RPL28: variants seen among roughly 807,000 people sequenced by gnomAD.
RPL28 encodes the protein ribosomal protein L28.
A neutral mutation model predicts 12.5 loss-of-function variants in RPL28; 4 were observed. That is an observed-to-expected ratio of 0.32 (90% CI 0.16 to 0.73). RPL28 has a LOEUF of 0.73. Ranked by LOEUF, RPL28 falls within the 30% of genes least tolerant of loss-of-function variation. The pLI is 0.66. For missense variants in RPL28, 214 were observed against 197.7 expected (o/e 1.08, Z -0.49); for synonymous variants, 91 against 72.5 (o/e 1.26, Z -1.30).
rs2089963888 is a variant in RPL28 at position 55,389,016 on chromosome 19, TCTTGTCACTTAG to T, written c.*685_*696del. The T allele has an allele frequency of 1.0e-6, 1 of 985,398 alleles. No individual in the cohort carries two copies. Among genetic ancestry groups the T allele is most frequent in the African/African-American group, 1.7e-5 (1 of 57,220 alleles). 61.0% of individuals were successfully genotyped at this position (985,398 alleles called of 1,614,324 possible). A position where few individuals can be genotyped will look rare whatever the true frequency, so the allele number is the denominator to read the frequency against. ...CCCTCCCCTGTCTCTTTGAGCTGGCTCTTGTCACTTAGGTCTCATCTCAGTGGCCGCTCCTGG... is the reference window on the plus strand; with the variant it reads ...CCCTCCCCTGTCTCTTTGAGCTGGCTGTCTCATCTCAGTGGCCGCTCCTGG... On this transcript the variant is annotated 3_prime_UTR_variant, in exon 5 of 5. Coordinates refer to ENST00000344063, the MANE Select transcript of RPL28 (RefSeq NM_000991.5).
At chr19:55,397,857 C>T (rs1464518776) in intron 4 of RPL28, among the ~76,000 whole-genome samples, 2 of 151,946 alleles carry the variant, frequency 1.3e-5, no homozygotes, top group African/African-American at 4.8e-5. Flanking sequence ...CATAGTGATA[C>T]CGCATCTTCT....
chr19:55,386,858 C>A (rs1181489113), intron 3 of RPL28, 165 bp downstream of exon 3: 6 of 1,553,874 alleles, frequency 3.9e-6, no homozygotes, highest in Non-Finnish European at 5.2e-6. Context: ...GACTTGTCAG[C>A]TCTGTGAGCC....
At position 55,391,365 on chromosome 19, in the gene RPL28, C is replaced by A; in HGVS notation, c.*3033C>A. The A allele has an allele frequency of 1.7e-6, 2 of 1,205,038 alleles. No individual in the cohort carries two copies. Among genetic ancestry groups the A allele is most frequent in the Non-Finnish European group, 2.1e-6 (2 of 959,120 alleles). The allele number at this position is 1,205,038 out of a possible 1,614,324, so 74.6% of individuals were successfully genotyped here. A position where few individuals can be genotyped will look rare whatever the true frequency, so the allele number is the denominator to read the frequency against. ...AAAAGGCCATTTTGAGTGCCTTTCACAGCCCTGCATAAGGCAGGTGTCTCA... is the reference window on the plus strand; with the variant it reads ...AAAAGGCCATTTTGAGTGCCTTTCAAAGCCCTGCATAAGGCAGGTGTCTCA... On this transcript the variant is annotated 3_prime_UTR_variant, in exon 5 of 5. Transcript: ENST00000344063.
rs1353192535 is a variant in RPL28, at chr19:55,391,511, C to T, written c.*3179C>T. ...AGAGCGCTGGGGACTCCAGACTCCCCACAGCAGCAGAGACTCGGGACTGAG... is the reference window on the plus strand; with the variant it reads ...AGAGCGCTGGGGACTCCAGACTCCCTACAGCAGCAGAGACTCGGGACTGAG... On this transcript the variant is annotated 3_prime_UTR_variant, in exon 5 of 5. Transcript: ENST00000344063. 3 of 1,465,216 alleles carry T rather than the reference C, an allele frequency of 2.0e-6. No homozygotes were observed. Among genetic ancestry groups the T allele is most frequent in the South Asian group, 1.4e-5 (1 of 72,140 alleles). 90.8% of individuals were successfully genotyped at this position (1,465,216 alleles called of 1,614,324 possible).
At position 55,401,249 on chromosome 19, in the gene RPL28, C is replaced by T. The variant is rs976740441; in HGVS notation, c.325-1694C>T. Reference sequence around the variant, plus strand: ...ACTCCCAGAGCCACATGGCACCATGCAGCGGTCCTGGGGCATCTGTGAGAC... The same window carrying T: ...ACTCCCAGAGCCACATGGCACCATGTAGCGGTCCTGGGGCATCTGTGAGAC... On this transcript the variant is annotated intron_variant, in intron 4 of 4. Transcript: ENST00000560055. The T allele has an allele frequency of 1.9e-5, 13 of 698,020 alleles. No homozygotes were observed. The African/African-American group carries it at 2.2e-4, about 12-fold the overall frequency. The allele number at this position is 698,020 out of a possible 1,614,324, so 43.2% of individuals were successfully genotyped here.
Position 55,389,076 on chromosome 19 carries a change from C to T in RPL28, c.*744C>T, listed in dbSNP as rs139427475. 9 of 985,598 alleles carry T rather than the reference C, an allele frequency of 9.1e-6. No homozygotes were observed. Among genetic ancestry groups the T allele is most frequent in the Non-Finnish European group, 1.1e-5 (9 of 830,056 alleles). 61.1% of individuals were successfully genotyped at this position (985,598 alleles called of 1,614,324 possible). ...TGGGCCACCCTGTCACCCAAGCTTTCCTGATTGCCCAGCCCTCTTGTTTCC... is the reference window on the plus strand; with the variant it reads ...TGGGCCACCCTGTCACCCAAGCTTTTCTGATTGCCCAGCCCTCTTGTTTCC... On this transcript the variant is annotated 3_prime_UTR_variant, in exon 5 of 5. Transcript: ENST00000344063.
chr19:55,390,608 A>G lies in RPL28; in HGVS notation c.*2276A>G, dbSNP rs944074618. ...CTGTGGAGTCCTGCTGGCTTTCTCC[A>G]TCCCTATCTGAATCCTCCCTGCTGT... is the stretch of plus-strand genomic sequence containing the variant. On this transcript the variant is annotated 3_prime_UTR_variant, in exon 5 of 5. Transcript: ENST00000344063. 2 of 985,520 alleles carry G rather than the reference A, an allele frequency of 2.0e-6. No individual in the cohort carries two copies. The highest frequency in any genetic ancestry group is 3.5e-5 in the African/African-American group (2 of 57,302). 61.0% of individuals were successfully genotyped at this position (985,520 alleles called of 1,614,324 possible). A position where few individuals can be genotyped will look rare whatever the true frequency, so the allele number is the denominator to read the frequency against.
chr19:55,402,979 A>C, exon 5 of RPL28: 2 of 1,534,826 alleles, frequency 1.3e-6, no homozygotes, highest in South Asian at 2.4e-5. Flanking sequence ...GGCTGTAAGC[A>C]GCCTGGAGCA....
At chr19:55,395,858 G>A (rs922750356), downstream of RPL28, among the ~76,000 whole-genome samples, 1 of 152,116 alleles carries the variant, frequency 6.6e-6, no homozygotes, top group African/African-American at 2.4e-5. Context: ...AGGTTCTCGT[G>A]TATTTTTCTG....
chr19:55,395,556 G>C (rs959627242), downstream of RPL28, among the ~76,000 whole-genome samples: 2 of 151,022 alleles, frequency 1.3e-5, no homozygotes, highest in Non-Finnish European at 2.9e-5. Context: ...CCATTCTCCT[G>C]CCTCAGCCTC....
chr19:55,401,408 G>T lies in RPL28; in HGVS notation c.325-1535G>T. On this transcript the variant is annotated intron_variant, in intron 4 of 4. Transcript: ENST00000560055. ...GAGGGAGGGGACAGGAGAGGTTGGG[G>T]TCACGGTGGAAGGAGGAAGAGAGCC... 6 of 1,519,682 alleles carry T rather than the reference G, an allele frequency of 3.9e-6. No homozygotes were observed. The South Asian group carries it at 5.7e-5, about 15-fold the overall frequency. 94.1% of individuals were successfully genotyped at this position (1,519,682 alleles called of 1,614,324 possible).
rs2089971199 is a variant in RPL28, at chr19:55,389,648, G to A, written c.*1316G>A. ...CCACTGCCCTTCCGACCTCAGTCCTGTCTGCTCCAGTCTTGCCCAGCTCGA... is the reference window on the plus strand; with the variant it reads ...CCACTGCCCTTCCGACCTCAGTCCTATCTGCTCCAGTCTTGCCCAGCTCGA... On this transcript the variant is annotated 3_prime_UTR_variant, in exon 5 of 5. Coordinates refer to ENST00000344063, the MANE Select transcript of RPL28 (RefSeq NM_000991.5). 4 of 985,504 alleles carry A rather than the reference G, an allele frequency of 4.1e-6. No individual in the cohort carries two copies. Among genetic ancestry groups the A allele is most frequent in the Non-Finnish European group, 4.8e-6 (4 of 829,988 alleles). The allele number at this position is 985,504 out of a possible 1,614,324, so 61.0% of individuals were successfully genotyped here. A position where few individuals can be genotyped will look rare whatever the true frequency, so the allele number is the denominator to read the frequency against.
Position 55,390,951 on chromosome 19 carries a change from GAAATTGGA to G in RPL28, c.*2623_*2630del. ...CACACAAATCATGTCTGTTGGCCTG[GAAATTGGA>G]AAACCAGTTAAACCAAAAACATGAT... On this transcript the variant is annotated 3_prime_UTR_variant, in exon 5 of 5. Transcript: ENST00000344063. 2 of 985,440 alleles carry G rather than the reference GAAATTGGA, an allele frequency of 2.0e-6. No homozygotes were observed. Among genetic ancestry groups the G allele is most frequent in the Non-Finnish European group, 2.4e-6 (2 of 829,938 alleles). 61.0% of individuals were successfully genotyped at this position (985,440 alleles called of 1,614,324 possible).
Position 55,391,999 on chromosome 19 carries a change from C to T in RPL28, c.*3667C>T, listed in dbSNP as rs1416247279. The T allele has an allele frequency of 2.7e-6, 3 of 1,129,380 alleles. No homozygotes were observed. The East Asian group carries it at 1.4e-4, about 54-fold the overall frequency. 70.0% of individuals were successfully genotyped at this position (1,129,380 alleles called of 1,614,324 possible). A position where few individuals can be genotyped will look rare whatever the true frequency, so the allele number is the denominator to read the frequency against. On this transcript the variant is annotated 3_prime_UTR_variant, in exon 5 of 5. Transcript: ENST00000344063. The stretch of plus-strand genomic sequence containing the variant: ...TCTGTCCTCAGCTGCATTTCCAGCC[C>T]AGGCTGTTTGGCGCTGCCCAGGAAT...
chr19:55,392,071 T>G lies in RPL28; in HGVS notation c.*3739T>G. ...CTTGTAGCCAGTTACTAGAATAAAA[T>G]CATCTACTTTAAAATCTTTCATTAT... On this transcript the variant is annotated 3_prime_UTR_variant, in exon 5 of 5. Transcript: ENST00000344063. 9.9e-7 allele frequency: 1 copy of G among 1,014,088 alleles called. No individual in the cohort carries two copies. Among genetic ancestry groups the G allele is most frequent in the African/African-American group, 1.7e-5 (1 of 58,546 alleles). The allele number at this position is 1,014,088 out of a possible 1,614,324, so 62.8% of individuals were successfully genotyped here.
intron 4 of RPL28, chr19:55,401,364 T>C: frequency 9.5e-7 from 1 of 1,054,612 alleles, no homozygotes; most frequent in Non-Finnish European, 1.4e-6. Flanking sequence ...ATAATTTAAA[T>C]AACTTAGAGA....
chr19:55,398,257 G>A (rs762963201), intron 4 of RPL28, among the ~76,000 whole-genome samples: 4 of 152,206 alleles, frequency 2.6e-5, no homozygotes, highest in Admixed American at 1.3e-4. Context: ...GGCTTGAGAC[G>A]CAGGAAGGAG....
At chr19:55,402,606 T>G (rs1303246167) in intron 4 of RPL28, among the ~76,000 whole-genome samples, 1 of 152,168 alleles carries the variant, frequency 6.6e-6, no homozygotes, top group Non-Finnish European at 1.5e-5. Context: ...TCAGCAGATA[T>G]CACTGATGGT....
At position 55,391,891 on chromosome 19, in the gene RPL28, AT is replaced by A. The variant is rs2089993503; in HGVS notation, c.*3560del. On this transcript the variant is annotated 3_prime_UTR_variant, in exon 5 of 5. Coordinates refer to ENST00000344063, the MANE Select transcript of RPL28 (RefSeq NM_000991.5). ...AGACATGCCAGATCCATGTGCAGTA[AT>A]GCCTGGTGGCTCCAGGTCTGCCCCG... 1 of 1,343,052 alleles carries A rather than the reference AT, an allele frequency of 7.4e-7. No individual in the cohort carries two copies. The highest frequency in any genetic ancestry group is 1.5e-5 in the African/African-American group (1 of 67,386). 83.2% of individuals were successfully genotyped at this position (1,343,052 alleles called of 1,614,324 possible). A position where few individuals can be genotyped will look rare whatever the true frequency, so the allele number is the denominator to read the frequency against.
Sources: allele counts gnomAD v4.1 joint callset (sites outside exome capture counted in the v4.1 genomes callset), GRCh38; gene constraint gnomAD v4.1.1; transcripts MANE v1.5; gene names NCBI Gene and HGNC (gene_info 2026-07-23, HGNC 2026-07-21).